OR9Q1: variants seen among roughly 807,000 people sequenced by gnomAD.
OR9Q1 encodes olfactory receptor 9Q1.
For missense variants in OR9Q1, 374 were observed against 378.8 expected (o/e 0.99, Z 0.11); for synonymous variants, 153 against 148.6 (o/e 1.03, Z -0.22).
Position 58,181,143 on chromosome 11 carries a change from T to C in OR9Q1, c.*766T>C, listed in dbSNP as rs1854661804. 6.0e-6 allele frequency: 1 copy of C among 167,100 alleles called. No homozygotes were observed. The highest frequency in any genetic ancestry group is 2.4e-5 in the African/African-American group (1 of 41,460). The allele number at this position is 167,100 out of a possible 1,614,324, so 10.4% of individuals were successfully genotyped here. A position where few individuals can be genotyped will look rare whatever the true frequency, so the allele number is the denominator to read the frequency against. ...CCTCTGGATATATGCCCTGTTCTTT[T>C]TCTTCCTACCTATTACAGTTCTCTC... On this transcript the variant is annotated 3_prime_UTR_variant, in exon 3 of 3. Coordinates refer to ENST00000335397, the MANE Select transcript of OR9Q1 (RefSeq NM_001005212.4).
intron 1 of OR9Q1, among the ~76,000 whole-genome samples, chr11:58,027,266 G>A (rs1334927353): frequency 2.0e-5 from 3 of 152,172 alleles, no homozygotes; most frequent in Non-Finnish European, 4.4e-5. Flanking sequence ...TTGGCTGCTT[G>A]GTGGTGGCAG....
At chr11:58,087,950 G>A (rs959996483) in intron 2 of OR9Q1, among the ~76,000 whole-genome samples, 6 of 151,768 alleles carry the variant, frequency 4.0e-5, no homozygotes, top group Non-Finnish European at 8.8e-5. Flanking sequence ...GTGTAGTGGT[G>A]TGATCTCGTT....
intron 1 of OR9Q1, among the ~76,000 whole-genome samples, chr11:58,024,926 T>C (rs1181738859): frequency 6.6e-6 from 1 of 152,030 alleles, no homozygotes; most frequent in Non-Finnish European, 1.5e-5. Context: ...CAGAGGAAAA[T>C]GGCACGGTGT....
intron 1 of OR9Q1, among the ~76,000 whole-genome samples, chr11:58,028,973 T>A (rs577502741): frequency 3.6e-4 from 55 of 152,364 alleles, no homozygotes; most frequent in African/African-American, 1.3e-3. Flanking sequence ...AATCTGTGAC[T>A]GTAGCAAAAC....
chr11:58,175,243 G>T (rs1043389142), intron 2 of OR9Q1, among the ~76,000 whole-genome samples: 33 of 151,376 alleles, frequency 2.2e-4, no homozygotes, highest in Admixed American at 1.5e-3. Flanking sequence ...ACAAACAAAA[G>T]ATTTTCTCAG....
chr11:58,085,687 C>G (rs1229441545), intron 2 of OR9Q1, among the ~76,000 whole-genome samples: 3 of 151,740 alleles, frequency 2.0e-5, no homozygotes, highest in Non-Finnish European at 4.4e-5. Flanking sequence ...TATGTGCACT[C>G]TCCCTCAAAT....
intron 1 of OR9Q1, among the ~76,000 whole-genome samples, chr11:58,053,629 AATATATATATATATAAATT>A (rs1853294081): frequency 1.0e-5 from 1 of 98,934 alleles, no homozygotes; most frequent in South Asian, 4.1e-4. Context: ...ATATATATAA[AATATATATATATATAAATT>A]ATATATATAT....
chr11:58,091,897 C>A (rs1383019192), intron 2 of OR9Q1, among the ~76,000 whole-genome samples: 8 of 151,688 alleles, frequency 5.3e-5, no homozygotes. Context: ...TTATGTAATA[C>A]CCTTCTTTGT....
intron 1 of OR9Q1, chr11:58,041,358 C>A (rs1403100786): frequency 6.6e-6 from 1 of 152,418 alleles, no homozygotes. Flanking sequence ...TGAAGGTGAC[C>A]CCAAAATCTG....
intron 2 of OR9Q1, among the ~76,000 whole-genome samples, chr11:58,092,914 G>T (rs1853697707): frequency 6.6e-6 from 1 of 152,174 alleles, no homozygotes; most frequent in African/African-American, 2.4e-5. Flanking sequence ...CACTTCTCCG[G>T]TCCTGTGGAT....
chr11:58,087,176 A>C (rs2120055723), intron 2 of OR9Q1, among the ~76,000 whole-genome samples: 1 of 151,814 alleles, frequency 6.6e-6, no homozygotes, highest in South Asian at 2.1e-4. Flanking sequence ...AAAAATAAAA[A>C]ATGTCATTTT....
At chr11:58,035,676 C>A (rs574222441) in intron 1 of OR9Q1, among the ~76,000 whole-genome samples, 13 of 152,292 alleles carry the variant, frequency 8.5e-5, no homozygotes, top group African/African-American at 3.1e-4. Flanking sequence ...TATGGTGCCC[C>A]TCATTGTCAC....
At chr11:58,122,873 A>C (rs184683325) in intron 2 of OR9Q1, among the ~76,000 whole-genome samples, 2 of 152,178 alleles carry the variant, frequency 1.3e-5, no homozygotes, top group African/African-American at 4.8e-5. Context: ...TGTGTTTTAA[A>C]ATTTGTGTAC....
intron 2 of OR9Q1, among the ~76,000 whole-genome samples, chr11:58,166,034 G>A (rs988952270): frequency 6.6e-6 from 1 of 152,164 alleles, no homozygotes; most frequent in African/African-American, 2.4e-5. Flanking sequence ...TCACCAAAAA[G>A]TCTCCTTGGA....
At chr11:58,135,473 C>T (rs898870055) in intron 2 of OR9Q1, among the ~76,000 whole-genome samples, 3 of 152,162 alleles carry the variant, frequency 2.0e-5, no homozygotes, top group African/African-American at 7.2e-5. Flanking sequence ...GCAGCCAAGG[C>T]ATCTTGTACC....
At chr11:58,101,229 G>A (rs1049140638) in intron 2 of OR9Q1, among the ~76,000 whole-genome samples, 13 of 151,934 alleles carry the variant, frequency 8.6e-5, no homozygotes, top group Admixed American at 7.2e-4. Flanking sequence ...TTCCATAGAG[G>A]TTGAACTAAT....
intron 2 of OR9Q1, among the ~76,000 whole-genome samples, chr11:58,175,105 CAAAAAAAA>C (rs57623932): frequency 0.012 from 823 of 69,298 alleles, 7 homozygotes; most frequent in Admixed American, 0.033. Flanking sequence ...GACTCTGTCT[CAAAAAAAA>C]AAAAAAAAAA....
At chr11:58,024,755 T>C (rs1590538572) in intron 1 of OR9Q1, among the ~76,000 whole-genome samples, 1 of 152,302 alleles carries the variant, frequency 6.6e-6, no homozygotes, top group African/African-American at 2.4e-5. Flanking sequence ...AAGCGGATGC[T>C]GTTAATAGCC....
chr11:58,088,047 G>GCCAGGCTGGTTTCGAACTCCTGACCT (rs1853650145), intron 2 of OR9Q1, among the ~76,000 whole-genome samples: 1 of 151,698 alleles, frequency 6.6e-6, no homozygotes, highest in African/African-American at 2.4e-5. Context: ...ACCTGTAGAG[G>GCCAGGCTGGTTTCGAACTCCTGACCT]CCAGGCTGGT....
Sources: allele counts gnomAD v4.1 joint callset (sites outside exome capture counted in the v4.1 genomes callset), GRCh38; gene constraint gnomAD v4.1.1; transcripts MANE v1.5; gene names NCBI Gene and HGNC (gene_info 2026-07-23, HGNC 2026-07-21).